Variants in GALNT14 observed in about 807,000 individuals in gnomAD.
The protein encoded by GALNT14 is UDP-GalNAc:polypeptide N-acetylgalactosaminyltransferase 14.
Under a neutral mutation model 77.5 loss-of-function variants are expected in GALNT14, and 60 were observed. The ratio of observed to expected loss-of-function variants is 0.77; its 90% CI spans 0.63 to 0.96. The LOEUF (loss-of-function observed/expected upper bound fraction) is 0.96, where lower values mean the gene tolerates loss of function less well. Ranked by LOEUF, GALNT14 falls within the 40% of genes least tolerant of loss-of-function variation. GALNT14 has a pLI of 0.00. For missense variants in GALNT14, 710 were observed against 731.0 expected (o/e 0.97, Z 0.33); for synonymous variants, 280 against 281.7 (o/e 0.99, Z 0.06).
chr2:31,126,254 G>T (rs1309383803), intron 1 of GALNT14, among the ~76,000 whole-genome samples: 1 of 152,112 alleles, frequency 6.6e-6, no homozygotes, highest in South Asian at 2.1e-4. Flanking sequence ...AGGTTCTAAA[G>T]GCAAGTTGCA....
chr2:31,017,332 T>C (rs993874873), intron 1 of GALNT14, among the ~76,000 whole-genome samples: 8 of 152,202 alleles, frequency 5.3e-5, no homozygotes, highest in African/African-American at 1.7e-4. Flanking sequence ...TTGCCCACAA[T>C]AGGCATTGCT....
intron 1 of GALNT14, among the ~76,000 whole-genome samples, chr2:30,997,462 C>T (rs73923344): frequency 0.029 from 4,408 of 152,290 alleles, 204 homozygotes; most frequent in African/African-American, 0.1. Flanking sequence ...TCCCACACTT[C>T]CCTGGTACAG....
intron 2 of GALNT14, among the ~76,000 whole-genome samples, chr2:30,990,970 G>T (rs1669662004): frequency 6.6e-6 from 1 of 152,172 alleles, no homozygotes; most frequent in Non-Finnish European, 1.5e-5. Context: ...GCAAAGCCCG[G>T]AACTGGACAC....
chr2:30,925,985 C>T (rs1422068467), intron 11 of GALNT14, among the ~76,000 whole-genome samples: 1 of 152,156 alleles, frequency 6.6e-6, no homozygotes, highest in Non-Finnish European at 1.5e-5. Flanking sequence ...TCGGCACCCA[C>T]CTAAGTTCAT....
intron 2 of GALNT14, among the ~76,000 whole-genome samples, chr2:30,978,096 A>G (rs1668747631): frequency 6.6e-6 from 1 of 152,124 alleles, no homozygotes; most frequent in Non-Finnish European, 1.5e-5. Flanking sequence ...TTAGCTCTTC[A>G]GCACCCTGCC....
chr2:30,891,692 C>T, the GALNT14 span, among the ~76,000 whole-genome samples: 2 of 152,068 alleles, frequency 1.3e-5, no homozygotes, highest in African/African-American at 2.4e-5. Flanking sequence ...CCAGTCAGTG[C>T]GGATGGGTAA....
chr2:30,909,827 T>C (rs1664256425), downstream of GALNT14, among the ~76,000 whole-genome samples: 1 of 151,814 alleles, frequency 6.6e-6, no homozygotes, highest in African/African-American at 2.4e-5. Context: ...CCAACAATGA[T>C]AGACTGGATT....
chr2:31,130,500 C>T (rs1273470951), intron 1 of GALNT14, among the ~76,000 whole-genome samples: 7 of 152,190 alleles, frequency 4.6e-5, no homozygotes, highest in African/African-American at 1.7e-4. Flanking sequence ...ATGGACAGAA[C>T]ATCAGGAGGA....
At chr2:31,123,516 T>A (rs1399712747) in intron 1 of GALNT14, among the ~76,000 whole-genome samples, 1 of 152,180 alleles carries the variant, frequency 6.6e-6, no homozygotes, top group Non-Finnish European at 1.5e-5. Flanking sequence ...GTGTTATGCT[T>A]TGAAACAGCA....
chr2:30,907,085 T>C (rs1383443721), downstream of GALNT14, among the ~76,000 whole-genome samples: 1 of 152,142 alleles, frequency 6.6e-6, no homozygotes, highest in Non-Finnish European at 1.5e-5. Flanking sequence ...TTTATAGCAC[T>C]AAATGCCCAC....
intron 1 of GALNT14, among the ~76,000 whole-genome samples, chr2:31,012,794 C>A (rs1274752586): frequency 2.0e-5 from 3 of 152,028 alleles, no homozygotes; most frequent in Non-Finnish European, 4.4e-5. Flanking sequence ...CAACACCACC[C>A]ACACACACAA....
intron 11 of GALNT14, among the ~76,000 whole-genome samples, chr2:30,928,281 C>T (rs1665509292): frequency 2.0e-5 from 3 of 152,294 alleles, no homozygotes; most frequent in South Asian, 2.1e-4. Context: ...CAACAGCCTT[C>T]GTATGATGAG....
At chr2:31,075,486 G>C (rs1211757403) in intron 1 of GALNT14, among the ~76,000 whole-genome samples, 1 of 152,202 alleles carries the variant, frequency 6.6e-6, no homozygotes, top group Non-Finnish European at 1.5e-5. Flanking sequence ...GCGTCCTGGA[G>C]ATCGGCTTGA....
At chr2:30,914,187 T>C (rs1343845138) in intron 13 of GALNT14, among the ~76,000 whole-genome samples, 1 of 152,220 alleles carries the variant, frequency 6.6e-6, no homozygotes, top group African/African-American at 2.4e-5. Context: ...GGTATTACTA[T>C]TATCCTCATT....
At chr2:30,934,762 C>T (rs1665952753) in intron 9 of GALNT14, among the ~76,000 whole-genome samples, 1 of 152,210 alleles carries the variant, frequency 6.6e-6, no homozygotes. Flanking sequence ...CGCTCTGCCT[C>T]TGAGCATTTT....
intron 2 of GALNT14, among the ~76,000 whole-genome samples, chr2:30,990,342 A>G (rs1669622791): frequency 6.6e-6 from 1 of 152,260 alleles, no homozygotes; most frequent in Non-Finnish European, 1.5e-5. Flanking sequence ...CTGTCAGCCC[A>G]GACAGGCAAG....
chr2:31,057,015 G>A (rs747481137), intron 1 of GALNT14, among the ~76,000 whole-genome samples: 9 of 152,174 alleles, frequency 5.9e-5, no homozygotes, highest in Admixed American at 1.3e-4. Flanking sequence ...TAACCTCAGC[G>A]AATTAACACG....
At chr2:31,030,288 C>T (rs1021930967) in intron 1 of GALNT14, among the ~76,000 whole-genome samples, 1 of 152,090 alleles carries the variant, frequency 6.6e-6, no homozygotes, top group Non-Finnish European at 1.5e-5. Flanking sequence ...TATCTGTCCA[C>T]TCCTCTCGTG....
At chr2:30,935,711 G>C (rs990011049) in intron 9 of GALNT14, among the ~76,000 whole-genome samples, 1 of 152,230 alleles carries the variant, frequency 6.6e-6, no homozygotes, top group Middle Eastern at 3.2e-3. Flanking sequence ...TACATCACCA[G>C]CTTCAAGGAA....
Sources: allele counts gnomAD v4.1 joint callset (sites outside exome capture counted in the v4.1 genomes callset), GRCh38; gene constraint gnomAD v4.1.1; transcripts MANE v1.5; gene names NCBI Gene and HGNC (gene_info 2026-07-23, HGNC 2026-07-21).